The following PAX7 variants were observed in gnomAD, a reference collection of about 807,000 sequenced individuals.
The protein encoded by PAX7 is paired box protein Pax-7.
A neutral mutation model predicts 50.7 loss-of-function variants in PAX7; 18 were observed. The observed-to-expected ratio is 0.36, with a 90% CI of 0.25 to 0.53. The LOEUF (loss-of-function observed/expected upper bound fraction) is 0.53, where lower values mean the gene tolerates loss of function less well. Among genes scored for constraint, PAX7 ranks in the 20% least tolerant of loss-of-function variants. PAX7 has a pLI of 0.93. For synonymous variants in PAX7, 310 were observed against 290.4 expected, an observed-to-expected ratio of 1.07 and a Z score of -0.69; for missense variants, 644 against 702.9, an observed-to-expected ratio of 0.92 and a Z score of 0.95.
Position 18,700,596 on chromosome 1 carries a change from A to G in PAX7, c.787-57A>G. 2 of 1,450,726 alleles carry G rather than the reference A, an allele frequency of 1.4e-6. No homozygotes were observed. Among genetic ancestry groups the G allele is most frequent in the Non-Finnish European group, 1.8e-6 (2 of 1,094,672 alleles). The allele number at this position is 1,450,726 out of a possible 1,614,324, so 89.9% of individuals were successfully genotyped here. A position where few individuals can be genotyped will look rare whatever the true frequency, so the allele number is the denominator to read the frequency against. ...GGGCAACTGGGTCTACATGTGTTGC[A>G]GCTCTCTGCCAGGAACCTGGCCGAG... On this transcript the variant is annotated intron_variant, in intron 5 of 8. Coordinates refer to ENST00000420770, the MANE Select transcript of PAX7 (RefSeq NM_001135254.2). The surrounding 1 kb of genome is among the most constrained non-coding windows in gnomAD (Gnocchi z 4.8).
At position 18,632,223 on chromosome 1, in the gene PAX7, G is replaced by A. The variant is rs1282615498; in HGVS notation, c.85+535G>A. On this transcript the variant is annotated intron_variant, in intron 1 of 8. Coordinates refer to ENST00000420770, the MANE Select transcript of PAX7 (RefSeq NM_001135254.2). This position sits in a 1 kb window ranked among gnomAD's most constrained non-coding sequence, Gnocchi z 6.3. ...GTCAAACACTCCTGCTTTTCCGCCT[G>A]GAAACAAACTAATTGGAAATAATAA... Among the ~76,000 whole-genome samples, 2 of 152,096 alleles carry A rather than the reference G, an allele frequency of 1.3e-5. No individual in the cohort carries two copies. Among genetic ancestry groups the A allele is most frequent in the Admixed American group, 1.3e-4 (2 of 15,272 alleles).
intron 4 of PAX7, among the ~76,000 whole-genome samples, chr1:18,658,715 T>C (rs1313096717): frequency 6.6e-6 from 1 of 152,202 alleles, no homozygotes; most frequent in Non-Finnish European, 1.5e-5. Context: ...TCAGAGAGAA[T>C]GTGTTCTGCA....
chr1:18,638,283 G>A (rs960456064), intron 4 of PAX7, among the ~76,000 whole-genome samples: 19 of 152,212 alleles, frequency 1.2e-4, no homozygotes, highest in South Asian at 2.1e-4. Flanking sequence ...AAGATCGTGC[G>A]GTTTGGAGGA....
intron 4 of PAX7, among the ~76,000 whole-genome samples, chr1:18,665,423 T>C (rs1402732356): frequency 6.6e-6 from 1 of 152,210 alleles, no homozygotes; most frequent in Non-Finnish European, 1.5e-5. Flanking sequence ...GTCACCAGGC[T>C]GGAGTGCAGT....
chr1:18,641,260 A>G (rs1001233776), intron 4 of PAX7, among the ~76,000 whole-genome samples: 20 of 152,108 alleles, frequency 1.3e-4, no homozygotes, highest in Non-Finnish European at 2.1e-4. Flanking sequence ...AACTTTAAAC[A>G]AGGGAGAACA....
intron 7 of PAX7, among the ~76,000 whole-genome samples, chr1:18,719,755 C>T (rs1381225048): frequency 6.6e-6 from 1 of 152,166 alleles, no homozygotes; most frequent in Non-Finnish European, 1.5e-5. Flanking sequence ...CAACCCCAAC[C>T]AACTTCATTC....
intron 4 of PAX7, among the ~76,000 whole-genome samples, chr1:18,684,522 C>G (rs1018891462): frequency 6.6e-6 from 1 of 152,198 alleles, no homozygotes; most frequent in African/African-American, 2.4e-5. Context: ...GTACACCGTG[C>G]GCTGGTTACA....
intron 4 of PAX7, among the ~76,000 whole-genome samples, chr1:18,668,259 C>A (rs942046532): frequency 3.9e-5 from 6 of 152,190 alleles, no homozygotes; most frequent in African/African-American, 1.4e-4. Context: ...GATGCCTGAG[C>A]CACACCCTCT....
At chr1:18,653,377 G>A (rs892088407) in intron 4 of PAX7, among the ~76,000 whole-genome samples, 1 of 152,090 alleles carries the variant, frequency 6.6e-6, no homozygotes, top group East Asian at 1.9e-4. Context: ...TTGTTGCAAC[G>A]GTGCTGTGTA....
intron 7 of PAX7, among the ~76,000 whole-genome samples, chr1:18,713,155 C>G (rs942945861): frequency 6.6e-6 from 1 of 152,176 alleles, no homozygotes; most frequent in Admixed American, 6.5e-5. Context: ...CCAAACTCCA[C>G]ACCTCCAGAG....
chr1:18,682,965 G>A (rs1271920531), intron 4 of PAX7, among the ~76,000 whole-genome samples: 1 of 152,156 alleles, frequency 6.6e-6, no homozygotes, highest in Non-Finnish European at 1.5e-5. Flanking sequence ...CCTGGGTGGG[G>A]CAGGGCACCT....
intron 3 of PAX7, among the ~76,000 whole-genome samples, chr1:18,635,451 G>GA (rs758255555): frequency 4.2e-4 from 60 of 142,652 alleles, no homozygotes; most frequent in Non-Finnish European, 8.5e-4. Flanking sequence ...AATAGGGAAA[G>GA]AAAAAAAGTT....
intron 7 of PAX7, among the ~76,000 whole-genome samples, chr1:18,708,099 G>A (rs1326544362): frequency 6.6e-6 from 1 of 152,096 alleles, no homozygotes; most frequent in Non-Finnish European, 1.5e-5. Flanking sequence ...TTTGTGCACT[G>A]GGTCCTTCTG....
At chr1:18,705,946 G>A (rs1308511811) in intron 7 of PAX7, among the ~76,000 whole-genome samples, 1 of 152,202 alleles carries the variant, frequency 6.6e-6, no homozygotes, top group Non-Finnish European at 1.5e-5. Context: ...GGACCAGGAG[G>A]TGAACAGCTG....
In PAX7 at chr1:18,711,238, G is replaced by C. The variant is rs965625450; in HGVS notation, c.1155+7942G>C. On this transcript the variant is annotated intron_variant, in intron 7 of 8. Transcript: ENST00000420770. Reference sequence around the variant, plus strand: ...TGGCACAGCTTGCTTAACCTCTCTGGGCTTCCTTTTCCTCATCGGAAAACA... The same window carrying C: ...TGGCACAGCTTGCTTAACCTCTCTGCGCTTCCTTTTCCTCATCGGAAAACA... Among the ~76,000 whole-genome samples, 3 of 152,078 alleles carry C rather than the reference G, an allele frequency of 2.0e-5. No individual in the cohort carries two copies. In the East Asian group the frequency reaches 5.8e-4, roughly 29 times the overall value.
intron 4 of PAX7, among the ~76,000 whole-genome samples, chr1:18,689,069 T>C (rs2089019233): frequency 6.6e-6 from 1 of 152,140 alleles, no homozygotes; most frequent in Non-Finnish European, 1.5e-5. Context: ...GCCCAGAGAC[T>C]GCACTCCCTA....
intron 4 of PAX7, among the ~76,000 whole-genome samples, chr1:18,665,523 G>A (rs908550477): frequency 2.6e-5 from 4 of 151,962 alleles, no homozygotes; most frequent in South Asian, 2.1e-4. Context: ...CTATAGGCAC[G>A]TGCCACCACA....
chr1:18,646,060 A>T (rs1235859313), intron 4 of PAX7, among the ~76,000 whole-genome samples: 2 of 152,214 alleles, frequency 1.3e-5, no homozygotes, highest in East Asian at 3.8e-4. Flanking sequence ...GATATACCCC[A>T]TCCTCCATTC....
intron 4 of PAX7, among the ~76,000 whole-genome samples, chr1:18,662,481 A>G (rs774142012): frequency 1.3e-5 from 2 of 152,218 alleles, no homozygotes; most frequent in African/African-American, 2.4e-5. Context: ...CTGTAGATTC[A>G]CACTTCTACT....
Sources: gnomAD v4.1 joint callset for allele counts (sites outside exome capture counted in the v4.1 genomes callset) on GRCh38, gnomAD v4.1.1 for gene constraint, Gnocchi (gnomAD v3.1) non-coding constraint, MANE v1.5 for transcripts, NCBI Gene and HGNC (gene_info 2026-07-23, HGNC 2026-07-21) for gene names.